The following PDE6B variants were observed in gnomAD, a reference collection of about 807,000 sequenced individuals.
PDE6B encodes rod cGMP-specific 3',5'-cyclic phosphodiesterase subunit beta.
In PDE6B, 106 loss-of-function variants were observed where a neutral mutation model predicts 109.0. The ratio of observed to expected loss-of-function variants is 0.97; its 90% CI spans 0.83 to 1.14. The LOEUF (loss-of-function observed/expected upper bound fraction) is 1.14, where lower values mean the gene tolerates loss of function less well. Among genes scored for constraint, PDE6B ranks in the 50% most tolerant of loss-of-function variants. The pLI is 0.00. For synonymous variants in PDE6B, 490 were observed against 471.3 expected (o/e 1.04, Z -0.51); for missense variants, 1,193 against 1,155.6 (o/e 1.03, Z -0.47).
At position 662,414 on chromosome 4, in the gene PDE6B, A is replaced by G. The variant is rs547250313; in HGVS notation, c.1723-95A>G. 1.3e-4 allele frequency: 124 copies of G among 935,782 alleles called. No individual in the cohort carries two copies. The African/African-American group carries it at 1.6e-3, about 12-fold the overall frequency. The allele number at this position is 935,782 out of a possible 1,614,324, so 58.0% of individuals were successfully genotyped here. A position where few individuals can be genotyped will look rare whatever the true frequency, so the allele number is the denominator to read the frequency against. On this transcript the variant is annotated intron_variant, in intron 13 of 21. Coordinates refer to ENST00000496514, the MANE Select transcript of PDE6B (RefSeq NM_000283.4). The surrounding 1 kb of genome is among the most constrained non-coding windows in gnomAD (Gnocchi z 4.3). The stretch of plus-strand genomic sequence containing the variant: ...CCAGCCCTGCGGTGGTCGGAGGTCC[A>G]ACCTCCAACCCGACGCCTAGGTCAT...
chr4:667,419 C>T (rs886160260), intron 20 of PDE6B, among the ~76,000 whole-genome samples: 2 of 152,142 alleles, frequency 1.3e-5, no homozygotes, highest in African/African-American at 4.8e-5. Context: ...CACTGCCTTC[C>T]CCACCCCGCC....
chr4:652,874 T>A (rs1221886975), intron 3 of PDE6B: 1 of 147,124 alleles, frequency 6.8e-6, no homozygotes. Context: ...TGTAATGTTC[T>A]CACCACAAAA....
At position 630,203 on chromosome 4, in the gene PDE6B, A is replaced by G. The variant is rs1386570282; in HGVS notation, c.468+4109A>G. Among the ~76,000 whole-genome samples the G allele has an allele frequency of 2.6e-5, 4 of 152,196 alleles. No homozygotes were observed. In the East Asian group the frequency reaches 7.7e-4, roughly 29 times the overall value. ...TTTCACAATGGGTGGGGCAGCTGGC[A>G]GTCGGACAGGGAGGCCGAGGGATCC... On this transcript the variant is annotated intron_variant, in intron 1 of 21. Transcript: ENST00000496514.
In PDE6B at chr4:665,631, G is replaced by C. The variant is rs992647304; in HGVS notation, c.2268+302G>C. Among the ~76,000 whole-genome samples the C allele has an allele frequency of 6.6e-6, 1 of 152,158 alleles. No homozygotes were observed. The highest frequency in any genetic ancestry group is 2.1e-4 in the South Asian group (1 of 4,826). On this transcript the variant is annotated intron_variant, in intron 19 of 21. Coordinates refer to ENST00000496514, the MANE Select transcript of PDE6B (RefSeq NM_000283.4). The surrounding 1 kb of genome is among the most constrained non-coding windows in gnomAD (Gnocchi z 4.0). Reference sequence around the variant, plus strand: ...TGCAGGTGAACCCCAGCAGGGCCGCGAGCCATGCACCAAGAAAGCCCTGGG... The same window carrying C: ...TGCAGGTGAACCCCAGCAGGGCCGCCAGCCATGCACCAAGAAAGCCCTGGG...
chr4:636,755 G>A lies in PDE6B; in HGVS notation c.711+786G>A, dbSNP rs1407735934. 6.6e-6 allele frequency among the ~76,000 whole-genome samples: 1 copy of A among 152,238 alleles called. No homozygotes were observed. Among genetic ancestry groups the A allele is most frequent in the African/African-American group, 2.4e-5 (1 of 41,462 alleles). ...AGCCTGCTGAACGTGGCGAGAGGCT[G>A]AGGTCTTTATCTCAGCATCTGGAGG... On this transcript the variant is annotated intron_variant, in intron 3 of 21. Coordinates refer to ENST00000496514, the MANE Select transcript of PDE6B (RefSeq NM_000283.4). This position sits in a 1 kb window ranked among gnomAD's most constrained non-coding sequence, Gnocchi z 4.5.
chr4:651,359 C>T lies in PDE6B; in HGVS notation c.712-2493C>T, dbSNP rs1735535024. Among the ~76,000 whole-genome samples the T allele has an allele frequency of 2.0e-5, 3 of 152,212 alleles. No homozygotes were observed. In the South Asian group the frequency reaches 6.2e-4, roughly 32 times the overall value. On this transcript the variant is annotated intron_variant, in intron 3 of 21. Transcript: ENST00000496514. Reference sequence around the variant, plus strand: ...TGGGGGCCCCAGGGGTTGGTGGGTCCTCAGGGGGGGCCTCCTGGAAAGGAC... The same window carrying T: ...TGGGGGCCCCAGGGGTTGGTGGGTCTTCAGGGGGGGCCTCCTGGAAAGGAC...
At chr4:657,584 C>T (rs1320345288) in intron 10 of PDE6B, 90 bp downstream of exon 10, 1 of 1,356,254 alleles carries the variant, frequency 7.4e-7, no homozygotes, top group Non-Finnish European at 1.0e-6. Flanking sequence ...GGGGTCTCGG[C>T]TGTGTGGTGG....
intron 3 of PDE6B, among the ~76,000 whole-genome samples, chr4:640,789 A>G (rs904507865): frequency 2.0e-5 from 3 of 152,234 alleles, no homozygotes; most frequent in African/African-American, 7.2e-5. Context: ...CCATATGTAG[A>G]AAAAGCCTAC....
intron 1 of PDE6B, among the ~76,000 whole-genome samples, chr4:631,984 G>T (rs1734408278): frequency 6.6e-6 from 1 of 151,742 alleles, no homozygotes; most frequent in African/African-American, 2.4e-5. Context: ...GGGTCACATT[G>T]CATGGATTCA....
rs369040252 is a variant in PDE6B at position 666,585 on chromosome 4, A to G, written c.2323A>G (p.Ile775Val). The G allele has an allele frequency of 8.1e-6, 13 of 1,612,714 alleles. No individual in the cohort carries two copies. In the African/African-American group the frequency reaches 1.2e-4, roughly 15 times the overall value. Residue 775 changes from isoleucine (I) to valine (V), a missense_variant, in exon 20 of 22, where the codon ATC becomes GTC. Physicochemically the swap from Ile to Val is conservative, Grantham distance 29. Coordinates refer to ENST00000496514, the MANE Select transcript of PDE6B (RefSeq NM_000283.4). This position sits in a 1 kb window ranked among gnomAD's most constrained non-coding sequence, Gnocchi z 5.6. ...GCTCCCCAAGCTGCAAGTGGGCTTC[A>G]TCGACTTCGTGTGCACATTCGTGTA... ...AELPKLQVGF[I>V]DFVCTFVYKE...
chr4:641,860 T>A (rs548009813), intron 3 of PDE6B, among the ~76,000 whole-genome samples: 3 of 152,082 alleles, frequency 2.0e-5, no homozygotes, highest in African/African-American at 7.2e-5. Context: ...TTGGCCAGGC[T>A]GGTCTTAAAC....
At chr4:637,072 C>T (rs1374713464) in intron 3 of PDE6B, among the ~76,000 whole-genome samples, 2 of 152,174 alleles carry the variant, frequency 1.3e-5, no homozygotes, top group Non-Finnish European at 2.9e-5. Flanking sequence ...TCAGTGTGGA[C>T]TTATGAGTAT....
Position 666,016 on chromosome 4 carries a change from G to A in PDE6B, c.2269-515G>A, listed in dbSNP as rs369629075. 9.2e-5 allele frequency among the ~76,000 whole-genome samples: 14 copies of A among 152,074 alleles called. No individual in the cohort carries two copies. The highest frequency in any genetic ancestry group is 2.9e-4 in the African/African-American group (12 of 41,400). Reference sequence around the variant, plus strand: ...AGGACAGGCAGCAGGTCCATCCCCCGCGCCCGGCCTCTAGAGTCCTGCATG... The same window carrying A: ...AGGACAGGCAGCAGGTCCATCCCCCACGCCCGGCCTCTAGAGTCCTGCATG... On this transcript the variant is annotated intron_variant, in intron 19 of 21. Transcript: ENST00000496514. This position sits in a 1 kb window ranked among gnomAD's most constrained non-coding sequence, Gnocchi z 5.6.
chr4:666,429 G>C lies in PDE6B; in HGVS notation c.2269-102G>C. Reference sequence around the variant, plus strand: ...GTCAGGCAGGCTCGTCCCAGGCTGTGTCTCCATGAGCACATCTGAGTGAGG... The same window carrying C: ...GTCAGGCAGGCTCGTCCCAGGCTGTCTCTCCATGAGCACATCTGAGTGAGG... On this transcript the variant is annotated intron_variant, in intron 19 of 21. Coordinates refer to ENST00000496514, the MANE Select transcript of PDE6B (RefSeq NM_000283.4). This position sits in a 1 kb window ranked among gnomAD's most constrained non-coding sequence, Gnocchi z 5.6. 2 of 793,902 alleles carry C rather than the reference G, an allele frequency of 2.5e-6. No homozygotes were observed. Among genetic ancestry groups the C allele is most frequent in the South Asian group, 1.4e-5 (1 of 73,436 alleles). The allele number at this position is 793,902 out of a possible 1,614,324, so 49.2% of individuals were successfully genotyped here. A position where few individuals can be genotyped will look rare whatever the true frequency, so the allele number is the denominator to read the frequency against.
Position 625,867 on chromosome 4 carries a change from CG to C in PDE6B, c.243del (p.Arg82AlafsTer68). The C allele has an allele frequency of 6.2e-7, 1 of 1,609,932 alleles. No homozygotes were observed. Among genetic ancestry groups the C allele is most frequent in the South Asian group, 1.1e-5 (1 of 90,630 alleles). ...GGAGCGCGTGGTCTTCAAGGTCCTG[CG>C]GCGCCTCTGCACCCTCCTGCAGGCC... is the stretch of plus-strand genomic sequence containing the variant. The part of the protein sequence containing the change: ...NMERVVFKVL[R>X]RLCTLLQADR... On this transcript the variant is annotated frameshift_variant, in exon 1 of 22. Transcript: ENST00000496514. LOFTEE classifies it high-confidence loss of function. This position sits in a 1 kb window ranked among gnomAD's most constrained non-coding sequence, Gnocchi z 5.0.
Position 636,903 on chromosome 4 carries a change from G to C in PDE6B, c.711+934G>C, listed in dbSNP as rs901567288. Among the ~76,000 whole-genome samples the C allele has an allele frequency of 6.6e-6, 1 of 152,222 alleles. No homozygotes were observed. The highest frequency in any genetic ancestry group is 1.5e-5 in the Non-Finnish European group (1 of 68,032). ...GTGGACACCTGTGAGAAAACCCCCC[G>C]GAGGGAAGTCTCAGCCCCAATCCAA... On this transcript the variant is annotated intron_variant, in intron 3 of 21. Coordinates refer to ENST00000496514, the MANE Select transcript of PDE6B (RefSeq NM_000283.4). This position sits in a 1 kb window ranked among gnomAD's most constrained non-coding sequence, Gnocchi z 4.5.
intron 1 of PDE6B, among the ~76,000 whole-genome samples, chr4:629,386 C>T (rs903728102): frequency 2.0e-5 from 3 of 152,254 alleles, no homozygotes; most frequent in Non-Finnish European, 4.4e-5. Flanking sequence ...GGCTCGGCCA[C>T]GGCCACCAAG....
chr4:645,466 T>G (rs1735155581), intron 3 of PDE6B, among the ~76,000 whole-genome samples: 4 of 151,538 alleles, frequency 2.6e-5, no homozygotes, highest in Admixed American at 2.6e-4. Context: ...CGGCTAATTT[T>G]TTGTATTTTT....
Position 626,053 on chromosome 4 carries a change from G to C in PDE6B, c.427G>C (p.Ala143Pro), listed in dbSNP as rs1176564756. 6.3e-7 allele frequency: 1 copy of C among 1,596,106 alleles called. No homozygotes were observed. Among genetic ancestry groups the C allele is most frequent in the South Asian group, 1.1e-5 (1 of 88,284 alleles). ...PLDIGVVGHVAQTKKMVNVED... is the reference protein window; with the variant it reads ...PLDIGVVGHVPQTKKMVNVED... ...GGACATCGGGGTCGTGGGCCACGTG[G>C]CTCAGACCAAAAAGATGGTGAACGT... Residue 143 changes from alanine to proline, a missense_variant, in exon 1 of 22, where the codon GCT (alanine) becomes CCT (proline). By Grantham distance (27) the Ala-to-Pro change is conservative. Transcript: ENST00000496514. The surrounding 1 kb of genome is among the most constrained non-coding windows in gnomAD (Gnocchi z 4.6).
Sources: allele counts gnomAD v4.1 joint callset (sites outside exome capture counted in the v4.1 genomes callset), GRCh38; gene constraint gnomAD v4.1.1; non-coding constraint Gnocchi (gnomAD v3.1); transcripts MANE v1.5; gene names NCBI Gene and HGNC (gene_info 2026-07-23, HGNC 2026-07-21).